MYCBP2: variants seen among roughly 807,000 people sequenced by gnomAD.
MYCBP2 encodes the protein E3 ubiquitin-protein ligase MYCBP2.
MYCBP2 carries 120 observed loss-of-function variants against 525.3 expected under a neutral mutation model. That is an observed-to-expected ratio of 0.23 (90% CI 0.20 to 0.27). The LOEUF is 0.27. Ranked by LOEUF, MYCBP2 falls within the 10% of genes least tolerant of loss-of-function variation. The pLI is 1.00. For synonymous variants in MYCBP2, 1,894 were observed against 1,955.8 expected, an observed-to-expected ratio of 0.97 and a Z score of 0.83; for missense variants, 4,149 against 5,657.1, an observed-to-expected ratio of 0.73 and a Z score of 8.55.
chr13:77,226,300 T>C (rs1360600708), intron 18 of MYCBP2, among the ~76,000 whole-genome samples: 4 of 152,166 alleles, frequency 2.6e-5, no homozygotes, highest in Non-Finnish European at 4.4e-5. Context: ...CCCTTGGCTT[T>C]TGCAATCCAA....
At chr13:77,139,481 C>T in intron 51 of MYCBP2, 145 bp from the exon 52 acceptor site, 1 of 811,630 alleles carries the variant, frequency 1.2e-6, no homozygotes, top group African/African-American at 1.7e-5. Flanking sequence ...TCTGAGAGAC[C>T]CTCCAGGGAA....
chr13:77,144,382 T>C (rs2055181780), intron 49 of MYCBP2, 63 bp downstream of exon 49: 1 of 1,183,226 alleles, frequency 8.5e-7, no homozygotes, highest in Non-Finnish European at 1.3e-6. Flanking sequence ...AACTAGAAGA[T>C]AAAAATAATT....
At chr13:77,222,572 T>C (rs1239187081) in intron 20 of MYCBP2, among the ~76,000 whole-genome samples, 1 of 152,130 alleles carries the variant, frequency 6.6e-6, no homozygotes, top group Non-Finnish European at 1.5e-5. Context: ...CCTGGATACA[T>C]ATAGAATCTG....
intron 15 of MYCBP2, among the ~76,000 whole-genome samples, chr13:77,248,906 T>C (rs1337472182): frequency 6.6e-6 from 1 of 152,178 alleles, no homozygotes; most frequent in Non-Finnish European, 1.5e-5. Context: ...TGTGGTAATA[T>C]ACATACAATA....
At chr13:77,061,424 T>A in intron 75 of MYCBP2, 123 bp from the exon 76 acceptor site, 1 of 948,270 alleles carries the variant, frequency 1.1e-6, no homozygotes, top group Non-Finnish European at 1.5e-6. Flanking sequence ...AAGTTTTGAA[T>A]ATTTCCAATC....
intron 3 of MYCBP2, among the ~76,000 whole-genome samples, chr13:77,287,236 A>G (rs376496408): frequency 6.9e-5 from 10 of 144,284 alleles, no homozygotes; most frequent in South Asian, 6.7e-4. Flanking sequence ...CCCAGGCCGG[A>G]GTGCAATGGC....
intron 29 of MYCBP2, among the ~76,000 whole-genome samples, 167 bp from the exon 30 acceptor site, chr13:77,189,214 A>G (rs1595265903): frequency 6.6e-6 from 1 of 152,184 alleles, no homozygotes; most frequent in African/African-American, 2.4e-5. Context: ...CAAGCTAAAC[A>G]AAGTTTTTAG....
chr13:77,159,382 A>T (rs1566750398), intron 44 of MYCBP2, among the ~76,000 whole-genome samples: 1 of 148,346 alleles, frequency 6.7e-6, no homozygotes, highest in African/African-American at 2.5e-5. Flanking sequence ...TTGGGACACC[A>T]TTTTTTTTTT....
intron 26 of MYCBP2, among the ~76,000 whole-genome samples, chr13:77,197,588 G>A (rs2061890075): frequency 6.6e-6 from 1 of 152,148 alleles, no homozygotes. Context: ...AAAACTCTGG[G>A]CTCAAAAGAG....
chr13:77,154,692 A>T (rs764376361), intron 46 of MYCBP2, among the ~76,000 whole-genome samples: 4 of 152,252 alleles, frequency 2.6e-5, no homozygotes, highest in Middle Eastern at 3.4e-3. Context: ...ACATTGAGAA[A>T]TTCATCAGTG....
In MYCBP2 at chr13:77,326,778, T is replaced by TCGCCGCCGC. The variant is rs754197897; in HGVS notation, c.-12_-4dup. 33 of 1,400,834 alleles carry TCGCCGCCGC rather than the reference T, an allele frequency of 2.4e-5. No homozygotes were observed. The highest frequency in any genetic ancestry group is 3.9e-5 in the Admixed American group (1 of 25,568). The allele number at this position is 1,400,834 out of a possible 1,614,324, so 86.8% of individuals were successfully genotyped here. On this transcript the variant is annotated 5_prime_UTR_variant, in exon 1 of 83. Transcript: ENST00000544440. The surrounding 1 kb of genome is among the most constrained non-coding windows in gnomAD (Gnocchi z 4.2). ...GCAGTCGCTGCGCACATCATCATCC[T>TCGCCGCCGC]CGCCGCCGCCGCCGCCGCCGCCGCC... is the stretch of plus-strand genomic sequence containing the variant.
intron 8 of MYCBP2, 75 bp from the exon 9 acceptor site, chr13:77,264,077 G>A: frequency 1.7e-6 from 2 of 1,173,740 alleles, no homozygotes; most frequent in Non-Finnish European, 2.5e-6. Flanking sequence ...CTCTGTTGAA[G>A]TCAAAATGAG....
At chr13:77,233,878 G>A (rs1055200712) in intron 17 of MYCBP2, among the ~76,000 whole-genome samples, 1 of 102,526 alleles carries the variant, frequency 9.8e-6, no homozygotes, top group Non-Finnish European at 2.2e-5. Context: ...GAGAGAGAAC[G>A]AGAGAGAGAG....
At chr13:77,206,521 T>A in intron 24 of MYCBP2, 132 bp downstream of exon 24, 1 of 871,396 alleles carries the variant, frequency 1.1e-6, no homozygotes, top group East Asian at 2.9e-5. Flanking sequence ...TCTTAGAGGA[T>A]TTAACTTATT....
At chr13:77,304,566 T>C (rs902051775) in intron 1 of MYCBP2, among the ~76,000 whole-genome samples, 6 of 152,130 alleles carry the variant, frequency 3.9e-5, no homozygotes, top group African/African-American at 1.2e-4. Flanking sequence ...TAAACAACAA[T>C]GTATTATACA....
chr13:77,161,378 A>C (rs1410379164), intron 44 of MYCBP2, among the ~76,000 whole-genome samples: 1 of 152,198 alleles, frequency 6.6e-6, no homozygotes, highest in Non-Finnish European at 1.5e-5. Context: ...AAACGAGCAA[A>C]AAAGGTAAAG....
intron 47 of MYCBP2, among the ~76,000 whole-genome samples, chr13:77,147,344 A>T (rs2055763303): frequency 6.6e-6 from 1 of 152,150 alleles, no homozygotes; most frequent in African/African-American, 2.4e-5. Flanking sequence ...TAAAAAAATA[A>T]CAAAATGACC....
intron 57 of MYCBP2, among the ~76,000 whole-genome samples, 173 bp from the exon 58 acceptor site, chr13:77,095,775 A>C (rs1044940057): frequency 6.6e-6 from 1 of 152,172 alleles, no homozygotes; most frequent in Non-Finnish European, 1.5e-5. Flanking sequence ...GGGCTGACCA[A>C]GACAATTTTG....
chr13:77,157,834 A>G, intron 45 of MYCBP2, 103 bp downstream of exon 45: 1 of 951,124 alleles, frequency 1.1e-6, no homozygotes, highest in South Asian at 1.6e-5. Flanking sequence ...CATAAACCAG[A>G]CTTTTTTAAA....
Sources: allele counts gnomAD v4.1 joint callset (sites outside exome capture counted in the v4.1 genomes callset), GRCh38; gene constraint gnomAD v4.1.1; non-coding constraint Gnocchi (gnomAD v3.1); transcripts MANE v1.5; gene names NCBI Gene and HGNC (gene_info 2026-07-23, HGNC 2026-07-21).